Variants in ARID1B observed in about 807,000 individuals in gnomAD.
The protein encoded by ARID1B is AT-rich interaction domain 1B.
ARID1B carries 30 observed loss-of-function variants against 212.3 expected under a neutral mutation model. That is an observed-to-expected ratio of 0.14 (90% CI 0.11 to 0.19). The LOEUF (loss-of-function observed/expected upper bound fraction) is 0.19, where lower values mean the gene tolerates loss of function less well. Among genes scored for constraint, ARID1B ranks in the 10% least tolerant of loss-of-function variants. ARID1B has a pLI of 1.00. For synonymous variants in ARID1B, 1,402 were observed against 1,301.7 expected, an observed-to-expected ratio of 1.08 and a Z score of -1.66; for missense variants, 2,891 against 3,204.0, an observed-to-expected ratio of 0.90 and a Z score of 2.36.
chr6:157,108,354 G>A (rs1011789060), intron 5 of ARID1B, among the ~76,000 whole-genome samples: 2 of 152,116 alleles, frequency 1.3e-5, no homozygotes, highest in Non-Finnish European at 2.9e-5. Context: ...AGTGCCTCGG[G>A]CGTGCACTGT....
At chr6:156,814,358 GCCA>G (rs1487440469) in intron 1 of ARID1B, among the ~76,000 whole-genome samples, 1 of 152,132 alleles carries the variant, frequency 6.6e-6, no homozygotes, top group Non-Finnish European at 1.5e-5. Flanking sequence ...AGCCATGATT[GCCA>G]CCGCACTACA....
chr6:156,957,481 G>A (rs1329743069), intron 4 of ARID1B, among the ~76,000 whole-genome samples: 1 of 152,022 alleles, frequency 6.6e-6, no homozygotes, highest in Admixed American at 6.6e-5. Flanking sequence ...CTGGCTGCCA[G>A]GACCACCGTG....
At chr6:157,146,509 G>T (rs1361818997) in intron 7 of ARID1B, among the ~76,000 whole-genome samples, 1 of 152,096 alleles carries the variant, frequency 6.6e-6, no homozygotes, top group Non-Finnish European at 1.5e-5. Context: ...CAAGCCCTCA[G>T]CCCCCATCAG....
At chr6:156,952,436 G>C (rs1362109275) in intron 4 of ARID1B, among the ~76,000 whole-genome samples, 1 of 152,214 alleles carries the variant, frequency 6.6e-6, no homozygotes, top group Non-Finnish European at 1.5e-5. Flanking sequence ...CTCCATCATA[G>C]GTCCACCTCC....
intron 4 of ARID1B, among the ~76,000 whole-genome samples, chr6:157,010,278 GTTTTTTT>G (rs367851681): frequency 0.03 from 3,056 of 102,118 alleles, 31 homozygotes; most frequent in South Asian, 0.051. Context: ...TGCATTGCCT[GTTTTTTT>G]TTTTTTTTTT....
intron 4 of ARID1B, among the ~76,000 whole-genome samples, chr6:156,974,643 T>C (rs542292688): frequency 9.9e-5 from 15 of 152,224 alleles, no homozygotes; most frequent in Admixed American, 4.6e-4. Context: ...AAATCTTTAC[T>C]TTTTCTTAGA....
intron 2 of ARID1B, among the ~76,000 whole-genome samples, chr6:156,898,896 A>G (rs529544784): frequency 1.3e-5 from 2 of 152,254 alleles, no homozygotes; most frequent in African/African-American, 2.4e-5. Context: ...GTTTGAACCC[A>G]GGAGGTGGAG....
chr6:156,795,360 A>G (rs1780292216), intron 1 of ARID1B, among the ~76,000 whole-genome samples: 1 of 152,160 alleles, frequency 6.6e-6, no homozygotes, highest in South Asian at 2.1e-4. Context: ...GGAAGGTAGG[A>G]GAGAAGGGGA....
intron 6 of ARID1B, among the ~76,000 whole-genome samples, chr6:157,114,236 A>G (rs1341631785): frequency 1.3e-5 from 2 of 152,090 alleles, no homozygotes; most frequent in Non-Finnish European, 2.9e-5. Context: ...TAAAACGAGT[A>G]TATCAGACTG....
intron 5 of ARID1B, among the ~76,000 whole-genome samples, chr6:157,093,896 T>C (rs1156923604): frequency 6.6e-6 from 1 of 152,208 alleles, no homozygotes; most frequent in Non-Finnish European, 1.5e-5. Flanking sequence ...ACTGAGTGTG[T>C]ATTATGCTGC....
intron 8 of ARID1B, among the ~76,000 whole-genome samples, chr6:157,165,841 C>A (rs1435321100): frequency 6.6e-6 from 1 of 152,050 alleles, no homozygotes. Flanking sequence ...CAGAATGAGA[C>A]CCTGTCTCAA....
Position 157,094,552 on chromosome 6 carries a change from G to A in ARID1B, c.2491+9647G>A, listed in dbSNP as rs546855133. 2.0e-5 allele frequency among the ~76,000 whole-genome samples: 3 copies of A among 151,996 alleles called. No individual in the cohort carries two copies. Among genetic ancestry groups the A allele is most frequent in the East Asian group, 3.9e-4 (2 of 5,168 alleles). The stretch of plus-strand genomic sequence containing the variant: ...ATATTTTTAGTAGAGATGGGGTTTC[G>A]CCATGTTGGCCAGGCTGGTCTCGAA... On this transcript the variant is annotated intron_variant, in intron 5 of 19. Coordinates refer to ENST00000636930, the MANE Select transcript of ARID1B (RefSeq NM_001374828.1). The surrounding 1 kb of genome is among the most constrained non-coding windows in gnomAD (Gnocchi z 4.3).
intron 8 of ARID1B, among the ~76,000 whole-genome samples, chr6:157,154,816 C>A (rs533996032): frequency 6.6e-6 from 1 of 151,966 alleles, no homozygotes; most frequent in African/African-American, 2.4e-5. Flanking sequence ...CTCTTAACGT[C>A]GTGATCCACC....
intron 7 of ARID1B, among the ~76,000 whole-genome samples, chr6:157,147,163 TGAAAG>T (rs1380484972): frequency 2.0e-5 from 3 of 151,730 alleles, no homozygotes; most frequent in Non-Finnish European, 2.9e-5. Context: ...TCAAAAGGTG[TGAAAG>T]GAAAGGGAAA....
In ARID1B at chr6:157,175,020, TTTTTTTTTG is replaced by T. The variant is rs756563037; in HGVS notation, c.3504+31_3504+39del. ...CATCAAGCCCTGTAAGTGGCTCTGG[TTTTTTTTTG>T]TTTTTTTTGTTTTTTGTTTTTTTGG... On this transcript the variant is annotated intron_variant, in intron 11 of 19. Coordinates refer to ENST00000636930, the MANE Select transcript of ARID1B (RefSeq NM_001374828.1). The T allele has an allele frequency of 5.3e-5, 72 of 1,354,478 alleles. No homozygotes were observed. Among genetic ancestry groups the T allele is most frequent in the Middle Eastern group, 4.1e-4 (2 of 4,884 alleles). 83.9% of individuals were successfully genotyped at this position (1,354,478 alleles called of 1,614,324 possible). A position where few individuals can be genotyped will look rare whatever the true frequency, so the allele number is the denominator to read the frequency against.
At chr6:156,952,765 T>G (rs1793681815) in intron 4 of ARID1B, among the ~76,000 whole-genome samples, 1 of 152,198 alleles carries the variant, frequency 6.6e-6, no homozygotes, top group Non-Finnish European at 1.5e-5. Context: ...ACAAGAGAAT[T>G]CAACAGAAAG....
intron 4 of ARID1B, chr6:156,976,367 G>T: frequency 6.0e-6 from 1 of 166,242 alleles, no homozygotes. Context: ...GTGCTCCAAG[G>T]TCATTGCCCG....
intron 4 of ARID1B, chr6:156,940,116 T>C (rs1020756924): frequency 6.6e-6 from 1 of 152,134 alleles, no homozygotes; most frequent in South Asian, 2.1e-4. Context: ...AGATAGGAGG[T>C]TCATTATTCT....
chr6:156,850,712 C>G (rs1784529144), intron 2 of ARID1B, among the ~76,000 whole-genome samples: 1 of 152,142 alleles, frequency 6.6e-6, no homozygotes, highest in Admixed American at 6.5e-5. Context: ...AAAGAATTGT[C>G]TATTTAAATT....
Sources: allele counts gnomAD v4.1 joint callset (sites outside exome capture counted in the v4.1 genomes callset), GRCh38; gene constraint gnomAD v4.1.1; non-coding constraint Gnocchi (gnomAD v3.1); transcripts MANE v1.5; gene names NCBI Gene and HGNC (gene_info 2026-07-23, HGNC 2026-07-21).